Variants in LTBP4 observed in about 807,000 individuals in gnomAD.
LTBP4 encodes the protein latent transforming growth factor beta binding protein 4.
Under a neutral mutation model 180.2 loss-of-function variants are expected in LTBP4, and 93 were observed. The ratio of observed to expected loss-of-function variants is 0.52; its 90% confidence interval spans 0.44 to 0.61. The LOEUF is 0.61. Among genes scored for constraint, LTBP4 ranks in the 20% least tolerant of loss-of-function variants. The pLI is 0.00. For synonymous variants in LTBP4, 947 were observed against 934.5 expected, an observed-to-expected ratio of 1.01 and a Z score of -0.24; for missense variants, 2,116 against 2,256.5, an observed-to-expected ratio of 0.94 and a Z score of 1.26.
intron 26 of LTBP4, 112 bp downstream of exon 26, chr19:40,624,194 C>A: frequency 7.8e-7 from 1 of 1,280,520 alleles, no homozygotes; most frequent in Non-Finnish European, 1.0e-6. Flanking sequence ...CCCCATGCTC[C>A]TGGCTCGACC....
At chr19:40,602,063 A>G (rs996872775) in intron 1 of LTBP4, among the ~76,000 whole-genome samples, 5 of 149,936 alleles carry the variant, frequency 3.3e-5, no homozygotes, top group African/African-American at 1.2e-4. Flanking sequence ...AAGGTTCTGT[A>G]TGGGAATGCC....
In LTBP4 at chr19:40,629,308, G is replaced by T; in HGVS notation, c.4520-88G>T. ...GGACTCCAAACTGCTCAGCATCTGTGCTCCTCTGTTCCAAGAACTTAAGGG... is the reference window on the plus strand; with the variant it reads ...GGACTCCAAACTGCTCAGCATCTGTTCTCCTCTGTTCCAAGAACTTAAGGG... On this transcript the variant is annotated intron_variant, in intron 29 of 29. Coordinates refer to ENST00000396819, the MANE Select transcript of LTBP4 (RefSeq NM_001042545.2). The surrounding 1 kb of genome is among the most constrained non-coding windows in gnomAD (Gnocchi z 4.5). The T allele has an allele frequency of 6.4e-7, 1 of 1,557,820 alleles. No homozygotes were observed. The highest frequency in any genetic ancestry group is 1.1e-5 in the South Asian group (1 of 89,892).
At chr19:40,599,137 C>A (rs2081406593), upstream of LTBP4, 4 of 1,511,246 alleles carry the variant, frequency 2.6e-6, no homozygotes, top group Non-Finnish European at 3.6e-6. Context: ...CCCGATTGCC[C>A]TCCTTTGCAG....
At chr19:40,614,736 G>T (rs1380979571) in intron 19 of LTBP4, among the ~76,000 whole-genome samples, 1 of 152,038 alleles carries the variant, frequency 6.6e-6, no homozygotes, top group Non-Finnish European at 1.5e-5. Flanking sequence ...AAAACTGTTA[G>T]GCCCCGCCCC....
chr19:40,622,823 C>A lies in LTBP4; in HGVS notation c.3485-127C>A. ...TGCCAGGCAGGTGGGCATGGGCAGA[C>A]ATAAGGCTGAGAGGTGGGCACTAAC... On this transcript the variant is annotated intron_variant, in intron 23 of 29. Transcript: ENST00000396819. This position sits in a 1 kb window ranked among gnomAD's most constrained non-coding sequence, Gnocchi z 5.1. The A allele has an allele frequency of 1.4e-6, 2 of 1,381,546 alleles. No individual in the cohort carries two copies. The highest frequency in any genetic ancestry group is 9.8e-7 in the Non-Finnish European group (1 of 1,016,438). The allele number at this position is 1,381,546 out of a possible 1,614,324, so 85.6% of individuals were successfully genotyped here.
intron 7 of LTBP4, 56 bp downstream of exon 7, chr19:40,607,585 A>G: frequency 6.6e-7 from 1 of 1,504,990 alleles, no homozygotes; most frequent in Non-Finnish European, 8.9e-7. Context: ...CGCTCATTCT[A>G]CGCCCCACCC....
At position 40,614,512 on chromosome 19, in the gene LTBP4, G is replaced by T; in HGVS notation, c.2812+66G>T. ...CGGTGCTGGAGGCTGCTCCCTTGGG[G>T]ACTGAGGAGGGGCGCCCTGCTTCCC... On this transcript the variant is annotated intron_variant, in intron 19 of 29. Transcript: ENST00000396819. 1.9e-6 allele frequency: 3 copies of T among 1,541,172 alleles called. 1 individual carries two copies. The Admixed American group carries it at 5.7e-5, about 29-fold the overall frequency.
intron 6 of LTBP4, among the ~76,000 whole-genome samples, chr19:40,606,938 A>G (rs2081467129): frequency 6.6e-6 from 1 of 152,126 alleles, no homozygotes. Flanking sequence ...TTTGGTAGAG[A>G]CAGGGTTTCG....
In LTBP4 at chr19:40,613,703, A is replaced by C. The variant is rs1459582925; in HGVS notation, c.2557+174A>C. The C allele has an allele frequency of 1.4e-5, 17 of 1,233,566 alleles. No individual in the cohort carries two copies. The highest frequency in any genetic ancestry group is 1.8e-5 in the Non-Finnish European group (16 of 877,708). 76.4% of individuals were successfully genotyped at this position (1,233,566 alleles called of 1,614,324 possible). A position where few individuals can be genotyped will look rare whatever the true frequency, so the allele number is the denominator to read the frequency against. ...CAGTGAGGGGGGGCGGGGCGTGGAG[A>C]TGAAAGGGCCGAGTCTGGGTATTTG... On this transcript the variant is annotated intron_variant, in intron 17 of 29. Transcript: ENST00000396819. This position sits in a 1 kb window ranked among gnomAD's most constrained non-coding sequence, Gnocchi z 5.0.
At chr19:40,625,513 T>C (rs907466462) in intron 26 of LTBP4, among the ~76,000 whole-genome samples, 3 of 151,388 alleles carry the variant, frequency 2.0e-5, no homozygotes, top group Non-Finnish European at 4.4e-5. Context: ...CCTTCAGCAC[T>C]TACCCCCATA....
Position 40,611,974 on chromosome 19 carries a change from C to T in LTBP4, c.2169C>T (p.Ser723=), listed in dbSNP as rs763652315. 4.7e-5 allele frequency: 76 copies of T among 1,611,800 alleles called. 1 individual carries two copies. In the Middle Eastern group the frequency reaches 4.9e-4, roughly 10 times the overall value. Residue 723 remains serine (S), a synonymous_variant, in exon 14 of 30, where the codon TCC becomes TCT. Transcript: ENST00000396819. The surrounding 1 kb of genome is among the most constrained non-coding windows in gnomAD (Gnocchi z 4.4). ...PMGFQPNTAG[S]ECEDVDECEN... is the part of the protein sequence containing the mutation. ...GCTTCCAACCCAACACTGCTGGCTC[C>T]GAGTGCGAGGGTGAGGCCGGGGAGG...
chr19:40,625,036 A>G (rs986004831), intron 26 of LTBP4, among the ~76,000 whole-genome samples: 2 of 149,758 alleles, frequency 1.3e-5, no homozygotes, highest in African/African-American at 4.9e-5. Flanking sequence ...GCCCCTAACA[A>G]CTTCTGCTGA....
intron 22 of LTBP4, among the ~76,000 whole-genome samples, chr19:40,619,897 G>A (rs541028900): frequency 1.3e-5 from 2 of 152,332 alleles, no homozygotes; most frequent in East Asian, 1.9e-4. Context: ...TGGAGGAGGC[G>A]CCTGGCCCAG....
At chr19:40,615,967 A>C (rs557054494) in intron 19 of LTBP4, among the ~76,000 whole-genome samples, 1 of 152,320 alleles carries the variant, frequency 6.6e-6, no homozygotes, top group East Asian at 1.9e-4. Flanking sequence ...GAGATGACAG[A>C]GCAGTGGATG....
At chr19:40,601,307 C>A, upstream of LTBP4, 1 of 970,096 alleles carries the variant, frequency 1.0e-6, no homozygotes, top group Admixed American at 6.3e-5. Flanking sequence ...GGGCGACCTC[C>A]CCCGCGGGCG....
upstream of LTBP4, chr19:40,599,212 C>T: frequency 6.2e-7 from 1 of 1,611,396 alleles, no homozygotes; most frequent in Non-Finnish European, 8.5e-7. Flanking sequence ...CTGTTTGTCG[C>T]TGCTGCCCGG....
intron 21 of LTBP4, among the ~76,000 whole-genome samples, chr19:40,619,067 A>G (rs532474079): frequency 2.0e-4 from 31 of 151,876 alleles, no homozygotes; most frequent in African/African-American, 6.0e-4. Flanking sequence ...ATCACTGCCT[A>G]TGTCTGAACC....
upstream of LTBP4, chr19:40,600,289 C>T (rs2081414847): frequency 2.2e-6 from 1 of 448,896 alleles, no homozygotes; most frequent in East Asian, 3.6e-5. This position sits in a 1 kb window ranked among gnomAD's most constrained non-coding sequence, Gnocchi z 4.4. Flanking sequence ...TGTAGCTCAG[C>T]ACCCACCCCC....
chr19:40,596,575 G>T (rs1295853819), upstream of LTBP4, among the ~76,000 whole-genome samples: 3 of 152,092 alleles, frequency 2.0e-5, no homozygotes, highest in Non-Finnish European at 4.4e-5. Flanking sequence ...ACAGAGCTTC[G>T]GGGAGCAAGC....
Sources: allele counts gnomAD v4.1 joint callset (sites outside exome capture counted in the v4.1 genomes callset), GRCh38; gene constraint gnomAD v4.1.1; non-coding constraint Gnocchi (gnomAD v3.1); transcripts MANE v1.5; gene names NCBI Gene and HGNC (gene_info 2026-07-23, HGNC 2026-07-21).